Variants in TP73 observed in about 807,000 individuals in gnomAD.
The protein encoded by TP73 is tumor protein p73.
In TP73, 25 loss-of-function variants were observed where a neutral mutation model predicts 62.5. The ratio of observed to expected loss-of-function variants is 0.40; its 90% confidence interval spans 0.29 to 0.56. TP73 has a LOEUF of 0.56. TP73 is among the 20% of genes least tolerant of loss of function. TP73 has a pLI of 0.46. For missense variants in TP73, 754 were observed against 913.3 expected (o/e 0.83, Z 2.25); for synonymous variants, 423 against 377.5 (o/e 1.12, Z -1.40).
chr1:3,719,388 T>C (rs888704858), intron 4 of TP73, among the ~76,000 whole-genome samples: 1 of 152,232 alleles, frequency 6.6e-6, no homozygotes, highest in Non-Finnish European at 1.5e-5. Context: ...GCGACACGGC[T>C]GCCGGCCCTG....
rs756945350 is a variant in TP73 at position 3,727,780 on chromosome 1, C to T, written c.985+10C>T. 9.8e-6 allele frequency: 15 copies of T among 1,527,804 alleles called. No homozygotes were observed. The highest frequency in any genetic ancestry group is 2.5e-5 in the East Asian group (1 of 40,798). 94.6% of individuals were successfully genotyped at this position (1,527,804 alleles called of 1,614,324 possible). On this transcript the variant is annotated intron_variant, in intron 8 of 13. Coordinates refer to ENST00000378295, the MANE Select transcript of TP73 (RefSeq NM_005427.4). ...GCCGCCAGCAAGCGTGGTGAGCGGC[C>T]GGCCAGGGGAACTGGACGCGTGTGG...
intron 3 of TP73, among the ~76,000 whole-genome samples, chr1:3,691,336 C>T (rs1645822921): frequency 6.6e-6 from 1 of 152,162 alleles, no homozygotes; most frequent in Non-Finnish European, 1.5e-5. Context: ...GCCAGGAGCT[C>T]AGTGCACCCT....
chr1:3,710,462 G>A (rs751432889), intron 4 of TP73, among the ~76,000 whole-genome samples: 16 of 152,268 alleles, frequency 1.1e-4, no homozygotes, highest in African/African-American at 1.4e-4. Flanking sequence ...CCCACCATGC[G>A]GGTGCTGCCC....
chr1:3,720,887 C>T (rs1641015562), intron 4 of TP73, among the ~76,000 whole-genome samples: 1 of 152,242 alleles, frequency 6.6e-6, no homozygotes, highest in Admixed American at 6.5e-5. Context: ...GTTTCCCCAA[C>T]TGTTCCACGG....
Position 3,707,535 on chromosome 1 carries a change from C to G in TP73, c.187-14C>G, listed in dbSNP as rs768298212. The G allele has an allele frequency of 6.2e-7, 1 of 1,600,414 alleles. No homozygotes were observed. The highest frequency in any genetic ancestry group is 1.3e-5 in the African/African-American group (1 of 74,802). On this transcript the variant is annotated splice_polypyrimidine_tract_variant and intron_variant, in intron 3 of 13. Coordinates refer to ENST00000378295, the MANE Select transcript of TP73 (RefSeq NM_005427.4). Reference sequence around the variant, plus strand: ...TGTGTGTTTCCCCCTCCCTCCTCCCCTTTCCCGCGCCAGGCCCAGTTCAAT... The same window carrying G: ...TGTGTGTTTCCCCCTCCCTCCTCCCGTTTCCCGCGCCAGGCCCAGTTCAAT...
intron 4 of TP73, among the ~76,000 whole-genome samples, chr1:3,715,408 C>T (rs935578351): frequency 2.6e-5 from 4 of 152,166 alleles, no homozygotes; most frequent in African/African-American, 9.7e-5. Flanking sequence ...CGACCCCAGG[C>T]CCCAGGACCC....
In TP73 at chr1:3,663,508, G is replaced by A. The variant is rs1645041981; in HGVS notation, c.-34+10867G>A. ...AGTCGGGCGGATCACTAGGTCAGGA[G>A]ATCGAGACTATACTGGCTCACACGG... is the stretch of plus-strand genomic sequence containing the variant. On this transcript the variant is annotated intron_variant, in intron 1 of 13. Transcript: ENST00000378295. This position sits in a 1 kb window ranked among gnomAD's most constrained non-coding sequence, Gnocchi z 4.7. Among the ~76,000 whole-genome samples the A allele has an allele frequency of 6.6e-6, 1 of 152,026 alleles. No homozygotes were observed.
chr1:3,725,970 G>T (rs1476041637), intron 6 of TP73, among the ~76,000 whole-genome samples: 69 of 122,078 alleles, frequency 5.7e-4, no homozygotes, highest in African/African-American at 2.1e-3. Context: ...GGATGGATGG[G>T]GTGGATGGGT....
At chr1:3,715,999 C>G (rs1640563673) in intron 4 of TP73, among the ~76,000 whole-genome samples, 1 of 152,172 alleles carries the variant, frequency 6.6e-6, no homozygotes, top group Non-Finnish European at 1.5e-5. Context: ...TTGAGAGTCC[C>G]CCGTGTGGCT....
At chr1:3,679,149 G>A (rs529495907) in intron 1 of TP73, among the ~76,000 whole-genome samples, 3 of 152,354 alleles carry the variant, frequency 2.0e-5, no homozygotes, top group East Asian at 1.9e-4. Context: ...GCAGAGGCGC[G>A]CTGACAAGAA....
At chr1:3,728,018 A>ACCTGGAGAAT (rs1211987006) in intron 8 of TP73, 111 bp from the exon 9 acceptor site, 1 of 1,281,244 alleles carries the variant, frequency 7.8e-7, no homozygotes, top group Non-Finnish European at 1.1e-6. Flanking sequence ...CACCGGACCC[A>ACCTGGAGAAT]CCTGGAGAAT....
intron 1 of TP73, among the ~76,000 whole-genome samples, chr1:3,659,946 C>T (rs1310308522): frequency 6.6e-6 from 1 of 152,186 alleles, no homozygotes; most frequent in Non-Finnish European, 1.5e-5. Context: ...TCCCAAAGTG[C>T]TAGGATTACA....
chr1:3,726,056 G>T (rs1490187282), intron 6 of TP73, among the ~76,000 whole-genome samples: 1 of 86,324 alleles, frequency 1.2e-5, no homozygotes, highest in African/African-American at 4.5e-5. Context: ...TGGAGTGGGT[G>T]GGTGGGTGGG....
intron 3 of TP73, among the ~76,000 whole-genome samples, chr1:3,684,042 C>A (rs2102096921): frequency 6.6e-6 from 1 of 152,338 alleles, no homozygotes; most frequent in East Asian, 1.9e-4. Context: ...CTGGTGGGGG[C>A]CACGCTCCTG....
intron 3 of TP73, among the ~76,000 whole-genome samples, chr1:3,702,109 C>T (rs926658436): frequency 6.6e-6 from 1 of 152,230 alleles, no homozygotes; most frequent in Non-Finnish European, 1.5e-5. Context: ...CCCCAGACCT[C>T]AGCCATCACC....
chr1:3,664,346 G>T lies in TP73; in HGVS notation c.-34+11705G>T, dbSNP rs374443832. ...CTCAGGGTGCCTGTGAGGAGGGGTGGGGGCTCTAATTGCTCACCTGCTGCT... is the reference window on the plus strand; with the variant it reads ...CTCAGGGTGCCTGTGAGGAGGGGTGTGGGCTCTAATTGCTCACCTGCTGCT... On this transcript the variant is annotated intron_variant, in intron 1 of 13. Transcript: ENST00000378295. Among the ~76,000 whole-genome samples the T allele has an allele frequency of 5.3e-4, 81 of 152,306 alleles. No individual in the cohort carries two copies. In the East Asian group the frequency reaches 9.1e-3, roughly 17 times the overall value.
In TP73 at chr1:3,731,070, G is replaced by A. The variant is rs761378541; in HGVS notation, c.1484+5G>A. ...CGCCGACCCCAGCCTCGTCAGGTGC[G>A]TGGGCTGCCGAGGGCCTGAGCATGT... On this transcript the variant is annotated splice_donor_5th_base_variant and intron_variant, in intron 12 of 13. Transcript: ENST00000378295. 2.1e-5 allele frequency: 33 copies of A among 1,609,324 alleles called. No homozygotes were observed. The highest frequency in any genetic ancestry group is 7.7e-5 in the South Asian group (7 of 90,824).
intron 5 of TP73, among the ~76,000 whole-genome samples, chr1:3,722,971 CTGG>C (rs1641210316): frequency 7.0e-6 from 1 of 143,362 alleles, no homozygotes; most frequent in African/African-American, 2.6e-5. Flanking sequence ...TGGCACAGGG[CTGG>C]GCACCTCTGC....
chr1:3,720,324 C>T (rs1336070079), intron 4 of TP73, among the ~76,000 whole-genome samples: 1 of 152,238 alleles, frequency 6.6e-6, no homozygotes, highest in Admixed American at 6.5e-5. Flanking sequence ...CTGCCTAAGG[C>T]CCTGTGCCCA....
Sources: gnomAD v4.1 joint callset for allele counts (sites outside exome capture counted in the v4.1 genomes callset) on GRCh38, gnomAD v4.1.1 for gene constraint, Gnocchi (gnomAD v3.1) non-coding constraint, MANE v1.5 for transcripts, NCBI Gene and HGNC (gene_info 2026-07-23, HGNC 2026-07-21) for gene names.